GPHA2: variants seen among roughly 807,000 people sequenced by gnomAD.
The protein encoded by GPHA2 is glycoprotein hormone subunit alpha 2.
Under a neutral mutation model 15.3 loss-of-function variants are expected in GPHA2, and 12 were observed. The observed-to-expected ratio is 0.78, with a 90% CI of 0.50 to 1.27. The LOEUF is 1.27. Among genes scored for constraint, GPHA2 ranks in the 50% most tolerant of loss-of-function variants. The pLI, the probability that GPHA2 is intolerant of heterozygous loss-of-function variation, is 0.00. For missense variants in GPHA2, 156 were observed against 169.5 expected, an observed-to-expected ratio of 0.92 and a Z score of 0.44; for synonymous variants, 61 against 66.8, an observed-to-expected ratio of 0.91 and a Z score of 0.42.
intron 3 of GPHA2, 34 bp downstream of exon 3, chr11:64,934,957 C>T (rs1945275382): frequency 6.2e-7 from 1 of 1,613,678 alleles, no homozygotes. Flanking sequence ...CCCGCGACCC[C>T]AGCGTCCATC....
In GPHA2 at chr11:64,934,686, T is replaced by C; in HGVS notation, c.*87A>G. 9.3e-7 allele frequency: 1 copy of C among 1,078,160 alleles called. No individual in the cohort carries two copies. The highest frequency in any genetic ancestry group is 1.2e-5 in the South Asian group (1 of 80,468). 66.8% of individuals were successfully genotyped at this position (1,078,160 alleles called of 1,614,324 possible). A position where few individuals can be genotyped will look rare whatever the true frequency, so the allele number is the denominator to read the frequency against. On this transcript the variant is annotated 3_prime_UTR_variant, in exon 4 of 4. Transcript: ENST00000279168. ...AAGTAACCATCAGGGCTGGAGCTCC[T>C]TCCAGTTTTTGAATCTTGAACACAG...
At position 64,935,831 on chromosome 11, in the gene GPHA2, C is replaced by T. The variant is rs2136697010; in HGVS notation, c.-1+3G>A. ...AGAGCTCCTCCTGCCTCAGCGAGCTCACCACTTCCGAGGCCCAGGAACAGA... is the reference window on the plus strand; with the variant it reads ...AGAGCTCCTCCTGCCTCAGCGAGCTTACCACTTCCGAGGCCCAGGAACAGA... On this transcript the variant is annotated splice_donor_region_variant and intron_variant, in intron 1 of 3. Coordinates refer to ENST00000279168, the MANE Select transcript of GPHA2 (RefSeq NM_130769.4). 1 of 172,762 alleles carries T rather than the reference C, an allele frequency of 5.8e-6. No individual in the cohort carries two copies. The highest frequency in any genetic ancestry group is 1.6e-4 in the East Asian group (1 of 6,292). 10.7% of individuals were successfully genotyped at this position (172,762 alleles called of 1,614,324 possible).
upstream of GPHA2, among the ~76,000 whole-genome samples, chr11:64,936,333 G>A (rs1945293568): frequency 2.0e-5 from 3 of 152,012 alleles, no homozygotes; most frequent in Non-Finnish European, 4.4e-5. Context: ...GCTGGAGTGT[G>A]GTGGTGTTAT....
In GPHA2 at chr11:64,935,074, G is replaced by T; in HGVS notation, c.205C>A (p.Arg69=). Residue 69 remains arginine, a synonymous_variant, in exon 3 of 4, where the codon CGG becomes AGG. Transcript: ENST00000279168. ...GHCESSAFPS[R]YSVLVASGYR... is the part of the protein sequence containing the mutation. Reference sequence around the variant, plus strand: ...CCACTGGCCACCAGCACAGAGTACCGAGAAGGGAAGGCGCTGGACTCACAG... The same window carrying T: ...CCACTGGCCACCAGCACAGAGTACCTAGAAGGGAAGGCGCTGGACTCACAG... 1 of 1,614,112 alleles carries T rather than the reference G, an allele frequency of 6.2e-7. No homozygotes were observed. Among genetic ancestry groups the T allele is most frequent in the South Asian group, 1.1e-5 (1 of 91,066 alleles).
rs1050655467 is a variant in GPHA2, at chr11:64,935,875, G to A, written c.-42C>T. 5 of 157,188 alleles carry A rather than the reference G, an allele frequency of 3.2e-5. No homozygotes were observed. The highest frequency in any genetic ancestry group is 6.4e-5 in the Admixed American group (1 of 15,562). The allele number at this position is 157,188 out of a possible 1,614,324, so 9.7% of individuals were successfully genotyped here. A position where few individuals can be genotyped will look rare whatever the true frequency, so the allele number is the denominator to read the frequency against. On this transcript the variant is annotated 5_prime_UTR_variant, in exon 1 of 4. Coordinates refer to ENST00000279168, the MANE Select transcript of GPHA2 (RefSeq NM_130769.4). ...GAACAGAGCGGCTTGCAGTTTTCCT[G>A]TGCCTCCTGCTGGTCTCCAGCTTGG...
In GPHA2 at chr11:64,935,227, G is replaced by A. The variant is rs184776178; in HGVS notation, c.104-52C>T. On this transcript the variant is annotated intron_variant, in intron 2 of 3. Transcript: ENST00000279168. ...CGGCGCCTCTGCCAAGGTTTGCCTC[G>A]CCCCAGCTCCCGTTGCCTGTGCCTC... The A allele has an allele frequency of 8.1e-4, 1,257 of 1,553,112 alleles. 1 individual carries two copies. The highest frequency in any genetic ancestry group is 1.0e-3 in the Non-Finnish European group (1,198 of 1,141,456).
At position 64,934,797 on chromosome 11, in the gene GPHA2, G is replaced by A; in HGVS notation, c.366C>T (p.Asp122=). ...GCTAGTAGCGAGAGAGGCGACACAT[G>A]TCACACTGGCAGGCCCTGGCCGTGA... ...EIFTARACQC[D]MCRLSRY is the part of the protein sequence containing the mutation. Residue 122 remains aspartate, a synonymous_variant, in exon 4 of 4, where the codon GAC becomes GAT. Transcript: ENST00000279168. The A allele has an allele frequency of 6.2e-7, 1 of 1,614,090 alleles. No homozygotes were observed.
At chr11:64,936,585 C>T (rs1281369199), upstream of GPHA2, among the ~76,000 whole-genome samples, 1 of 152,146 alleles carries the variant, frequency 6.6e-6, no homozygotes, top group Admixed American at 6.6e-5. Flanking sequence ...TGCCTGGCCA[C>T]ACCCCTAATT....
upstream of GPHA2, among the ~76,000 whole-genome samples, chr11:64,936,950 G>T (rs1428353155): frequency 6.6e-6 from 1 of 152,188 alleles, no homozygotes; most frequent in African/African-American, 2.4e-5. Flanking sequence ...CTCAAAGAAA[G>T]AAAGTTACTA....
chr11:64,936,651 T>C (rs549400241), upstream of GPHA2, among the ~76,000 whole-genome samples: 8 of 152,066 alleles, frequency 5.3e-5, no homozygotes, highest in Admixed American at 2.6e-4. Context: ...AGGAAAGGGA[T>C]TGGGGAAGGA....
At chr11:64,935,211 T>C (rs1048768997) in intron 2 of GPHA2, 36 bp from the exon 3 acceptor site, 3 of 1,575,000 alleles carry the variant, frequency 1.9e-6, no homozygotes, top group Non-Finnish European at 2.6e-6. Flanking sequence ...ACGGCGCCTC[T>C]GCCAAGGTTT....
chr11:64,935,065 C>T lies in GPHA2; in HGVS notation c.214G>A (p.Val72Met). 1 of 1,614,150 alleles carries T rather than the reference C, an allele frequency of 6.2e-7. No individual in the cohort carries two copies. The highest frequency in any genetic ancestry group is 2.2e-5 in the East Asian group (1 of 44,878). ...ESSAFPSRYS[V>M]LVASGYRHNI... ...TGTCGGTAACCACTGGCCACCAGCA[C>T]AGAGTACCGAGAAGGGAAGGCGCTG... Residue 72 changes from valine (V) to methionine (M), a missense_variant, in exon 3 of 4, where the codon GTG becomes ATG. By Grantham distance (21) the Val-to-Met change is conservative. Coordinates refer to ENST00000279168, the MANE Select transcript of GPHA2 (RefSeq NM_130769.4).
At chr11:64,936,582 C>A (rs945473411), upstream of GPHA2, among the ~76,000 whole-genome samples, 7 of 152,124 alleles carry the variant, frequency 4.6e-5, no homozygotes, top group Admixed American at 1.3e-4. Context: ...CTGTGCCTGG[C>A]CACACCCCTA....
chr11:64,936,066 T>G (rs952840013), upstream of GPHA2, among the ~76,000 whole-genome samples: 2 of 152,294 alleles, frequency 1.3e-5, no homozygotes, highest in East Asian at 1.9e-4. Context: ...GCTTTCTGCT[T>G]CTTTCTGTCC....
In GPHA2 at chr11:64,935,148, C is replaced by T. The variant is rs768418960; in HGVS notation, c.131G>A (p.Arg44His). The T allele has an allele frequency of 1.5e-5, 24 of 1,613,702 alleles. No individual in the cohort carries two copies. Among genetic ancestry groups the T allele is most frequent in the East Asian group, 6.7e-5 (3 of 44,878 alleles). ...HPFNVTVRSD[R>H]QGTCQGSHVA... ...GTGGGAGCCCTGGCAGGTGCCTTGG[C>T]GGTCACTTCGCACTGTCACATTGAA... The change falls in exon 3 of 4, where the codon CGC becomes CAC. Residue 44 changes from arginine to histidine, a missense_variant. By Grantham distance (29) the Arg-to-His change is conservative. Coordinates refer to ENST00000279168, the MANE Select transcript of GPHA2 (RefSeq NM_130769.4).
chr11:64,935,223 C>T, intron 2 of GPHA2, 48 bp from the exon 3 acceptor site: 1 of 1,562,622 alleles, frequency 6.4e-7, no homozygotes. Context: ...CCAAGGTTTG[C>T]CTCGCCCCAG....
At chr11:64,935,698 C>CTCCCT in intron 1 of GPHA2, 136 bp downstream of exon 1, 1 of 400,112 alleles carries the variant, frequency 2.5e-6, no homozygotes, top group East Asian at 3.7e-5. Context: ...TGCAGTGATT[C>CTCCCT]TCCCTTCCCT....
chr11:64,935,264 C>A, intron 2 of GPHA2, 89 bp from the exon 3 acceptor site: 1 of 1,472,528 alleles, frequency 6.8e-7, no homozygotes. Flanking sequence ...GTGTGGGGCC[C>A]TTTAGGGTGC....
intron 3 of GPHA2, 49 bp from the exon 4 acceptor site, chr11:64,934,923 T>TC: frequency 6.2e-7 from 1 of 1,612,134 alleles, no homozygotes; most frequent in South Asian, 1.1e-5. Flanking sequence ...CAGGGCTGTC[T>TC]AGGATCTCCA....
Sources: allele counts gnomAD v4.1 joint callset (sites outside exome capture counted in the v4.1 genomes callset), GRCh38; gene constraint gnomAD v4.1.1; transcripts MANE v1.5; gene names NCBI Gene and HGNC (gene_info 2026-07-23, HGNC 2026-07-21).